The following RXRA variants were observed in gnomAD, a reference collection of about 807,000 sequenced individuals.
RXRA encodes retinoic acid receptor RXR-alpha.
RXRA carries 5 observed loss-of-function variants against 44.5 expected under a neutral mutation model. The observed-to-expected ratio is 0.11, with a 90% CI of 0.06 to 0.24. RXRA has a LOEUF of 0.24. RXRA is among the 10% of genes least tolerant of loss of function. The pLI, the probability that RXRA is intolerant of heterozygous loss-of-function variation, is 1.00. For missense variants in RXRA, 412 were observed against 646.5 expected (o/e 0.64, Z 3.93); for synonymous variants, 291 against 271.4 (o/e 1.07, Z -0.71).
chr9:134,354,312 G>T (rs376413148), intron 1 of RXRA, among the ~76,000 whole-genome samples: 2 of 152,228 alleles, frequency 1.3e-5, no homozygotes, highest in East Asian at 1.9e-4. Context: ...GCAGCTGCGT[G>T]TGTTTTCACT....
chr9:134,359,303 C>T (rs1037060454), intron 1 of RXRA, among the ~76,000 whole-genome samples: 2 of 152,016 alleles, frequency 1.3e-5, no homozygotes, highest in Non-Finnish European at 1.5e-5. Context: ...CTGCTGCCGC[C>T]GGCGGCTCTG....
rs1306285818 is a variant in RXRA, at chr9:134,349,731, G to A, written c.28+23072G>A. ...ATGCCTGTCTCCCTGGAGGCGCAGG[G>A]CTGTGCACAGGATTCCCCAGGGCTG... On this transcript the variant is annotated intron_variant, in intron 1 of 9. Coordinates refer to ENST00000481739, the MANE Select transcript of RXRA (RefSeq NM_002957.6). The surrounding 1 kb of genome is among the most constrained non-coding windows in gnomAD (Gnocchi z 4.3). Among the ~76,000 whole-genome samples the A allele has an allele frequency of 6.6e-6, 1 of 151,514 alleles. No individual in the cohort carries two copies. The highest frequency in any genetic ancestry group is 1.5e-5 in the Non-Finnish European group (1 of 67,924).
At chr9:134,423,767 C>T in intron 6 of RXRA, 1 of 985,454 alleles carries the variant, frequency 1.0e-6, no homozygotes, top group African/African-American at 1.7e-5. Flanking sequence ...GGGGCTCCCC[C>T]AGAACCCTCG....
At chr9:134,355,444 A>G (rs1312210896) in intron 1 of RXRA, among the ~76,000 whole-genome samples, 1 of 151,184 alleles carries the variant, frequency 6.6e-6, no homozygotes, top group Non-Finnish European at 1.5e-5. Context: ...TGAAGCTGAC[A>G]GAGCTCACCT....
intron 1 of RXRA, among the ~76,000 whole-genome samples, chr9:134,376,627 T>A (rs62576342): frequency 0.011 from 1,652 of 149,118 alleles, 38 homozygotes; most frequent in African/African-American, 0.038. Context: ...CTTAGGGAGC[T>A]CTCAGAGAAC....
intron 2 of RXRA, among the ~76,000 whole-genome samples, chr9:134,406,655 G>A (rs1234271585): frequency 6.6e-6 from 1 of 152,198 alleles, no homozygotes; most frequent in African/African-American, 2.4e-5. Context: ...GCACGGGGCA[G>A]GGCCAGCTGG....
intron 1 of RXRA, among the ~76,000 whole-genome samples, chr9:134,368,042 T>C (rs566415958): frequency 1.1e-4 from 17 of 152,224 alleles, no homozygotes; most frequent in Non-Finnish European, 2.2e-4. Context: ...TGCTCTCCGC[T>C]CTGGAGGTGC....
Position 134,436,866 on chromosome 9 carries a change from C to T in RXRA, c.*252C>T. On this transcript the variant is annotated 3_prime_UTR_variant, in exon 10 of 10. Transcript: ENST00000481739. ...TGGCAAGAACTAGCGTGAGCCCAGC[C>T]AGGCGCCTCCCCACCGGGCTCTCAG... The T allele has an allele frequency of 2.0e-6, 1 of 488,226 alleles. No individual in the cohort carries two copies. Among genetic ancestry groups the T allele is most frequent in the Non-Finnish European group, 3.6e-6 (1 of 274,094 alleles). 30.2% of individuals were successfully genotyped at this position (488,226 alleles called of 1,614,324 possible). A position where few individuals can be genotyped will look rare whatever the true frequency, so the allele number is the denominator to read the frequency against.
At chr9:134,379,476 C>T (rs1174611904) in intron 1 of RXRA, 4 of 986,704 alleles carry the variant, frequency 4.1e-6, no homozygotes, top group Non-Finnish European at 4.8e-6. Flanking sequence ...GGAGGGCCCC[C>T]AGGACCGAGT....
intron 5 of RXRA, among the ~76,000 whole-genome samples, chr9:134,421,365 G>A (rs549903311): frequency 1.2e-4 from 19 of 152,170 alleles, no homozygotes; most frequent in Middle Eastern, 3.4e-3. Context: ...GGGCCCCAGC[G>A]TCTGTGATCT....
At chr9:134,353,185 T>C (rs1588259479) in intron 1 of RXRA, among the ~76,000 whole-genome samples, 2 of 152,076 alleles carry the variant, frequency 1.3e-5, no homozygotes, top group South Asian at 2.1e-4. Flanking sequence ...ATCCCAACTT[T>C]TACTTTTGAA....
chr9:134,414,250 C>T (rs909309145), intron 4 of RXRA, among the ~76,000 whole-genome samples: 1 of 152,290 alleles, frequency 6.6e-6, no homozygotes, highest in Admixed American at 6.5e-5. Flanking sequence ...AGGAGCCCAG[C>T]TCCAGGCACC....
At chr9:134,436,169 C>G (rs973609891) in intron 9 of RXRA, among the ~76,000 whole-genome samples, 1 of 152,252 alleles carries the variant, frequency 6.6e-6, no homozygotes, top group Non-Finnish European at 1.5e-5. Context: ...AACTTCTTCA[C>G]AAAGAGCTAT....
chr9:134,378,718 T>C (rs1390248090), intron 1 of RXRA, among the ~76,000 whole-genome samples: 1 of 152,136 alleles, frequency 6.6e-6, no homozygotes, highest in African/African-American at 2.4e-5. Flanking sequence ...GCGCGTGCCG[T>C]CCGGTTGCTC....
intron 4 of RXRA, among the ~76,000 whole-genome samples, chr9:134,416,414 TGCTCG>T (rs1831235797): frequency 6.6e-6 from 1 of 152,186 alleles, no homozygotes; most frequent in African/African-American, 2.4e-5. Flanking sequence ...TTTGTCATAA[TGCTCG>T]GCTTCTGGTT....
intron 7 of RXRA, among the ~76,000 whole-genome samples, chr9:134,429,658 C>T (rs35049363): frequency 1.3e-5 from 2 of 152,300 alleles, no homozygotes; most frequent in African/African-American, 2.4e-5. Context: ...CGCCTGTCCC[C>T]GTGCAGGCAG....
At chr9:134,435,236 A>C (rs1487287589) in intron 9 of RXRA, among the ~76,000 whole-genome samples, 1 of 152,184 alleles carries the variant, frequency 6.6e-6, no homozygotes, top group South Asian at 2.1e-4. Context: ...CCGTGTGGAG[A>C]GACTCAGGCC....
In RXRA at chr9:134,433,338, A is replaced by G. The variant is rs1831562932; in HGVS notation, c.1136-764A>G. Among the ~76,000 whole-genome samples the G allele has an allele frequency of 6.6e-6, 1 of 152,034 alleles. No homozygotes were observed. Among genetic ancestry groups the G allele is most frequent in the Admixed American group, 6.5e-5 (1 of 15,296 alleles). ...TGGGCACCGGCTTGCAGGGAGGGTG[A>G]GATTGTCTGGCACAAGCAGGGTCCA... is the stretch of plus-strand genomic sequence containing the variant. On this transcript the variant is annotated intron_variant, in intron 8 of 9. Transcript: ENST00000481739. This position sits in a 1 kb window ranked among gnomAD's most constrained non-coding sequence, Gnocchi z 4.2.
chr9:134,379,265 G>A, intron 1 of RXRA: 4 of 986,192 alleles, frequency 4.1e-6, no homozygotes, highest in Non-Finnish European at 4.8e-6. Flanking sequence ...GCTCGGGCCT[G>A]CCCCATCAGC....
Sources: gnomAD v4.1 joint callset for allele counts (sites outside exome capture counted in the v4.1 genomes callset) on GRCh38, gnomAD v4.1.1 for gene constraint, Gnocchi (gnomAD v3.1) non-coding constraint, MANE v1.5 for transcripts, NCBI Gene and HGNC (gene_info 2026-07-23, HGNC 2026-07-21) for gene names.